TSPAN18: variants seen among roughly 807,000 people sequenced by gnomAD.
The protein encoded by TSPAN18 is tetraspanin-18.
TSPAN18 carries 14 observed loss-of-function variants against 27.3 expected under a neutral mutation model. That is an observed-to-expected ratio of 0.51 (90% CI 0.34 to 0.80). The LOEUF (loss-of-function observed/expected upper bound fraction) is 0.80. TSPAN18 is among the 30% of genes least tolerant of loss of function. TSPAN18 has a pLI of 0.01. For missense variants in TSPAN18, 268 were observed against 323.9 expected, an observed-to-expected ratio of 0.83 and a Z score of 1.32; for synonymous variants, 143 against 136.5, an observed-to-expected ratio of 1.05 and a Z score of -0.33.
intron 3 of TSPAN18, among the ~76,000 whole-genome samples, chr11:44,896,192 G>GGCAGGCTCGTACTTGGAGGGAT (rs1590647539): frequency 6.6e-6 from 1 of 152,122 alleles, no homozygotes; most frequent in Non-Finnish European, 1.5e-5. Flanking sequence ...ACTGACCCCA[G>GGCAGGCTCGTACTTGGAGGGAT]TGAACCTGTG....
intron 2 of TSPAN18, among the ~76,000 whole-genome samples, chr11:44,766,283 G>T (rs1173405729): frequency 6.6e-6 from 1 of 152,202 alleles, no homozygotes; most frequent in Non-Finnish European, 1.5e-5. Context: ...GACAGTGTGG[G>T]AGGAGAAGTG....
At chr11:44,824,643 G>C (rs545162223) in intron 2 of TSPAN18, among the ~76,000 whole-genome samples, 1 of 152,358 alleles carries the variant, frequency 6.6e-6, no homozygotes, top group Non-Finnish European at 1.5e-5. Context: ...AGGGGCCCAC[G>C]GGCCTGTGCC....
intron 3 of TSPAN18, among the ~76,000 whole-genome samples, chr11:44,861,422 T>C (rs1458737146): frequency 1.1e-5 from 1 of 90,604 alleles, no homozygotes; most frequent in Non-Finnish European, 2.2e-5. Context: ...CTGAGGGAGG[T>C]GGTCGGGGCT....
rs544728674 is a variant in TSPAN18 at position 44,835,071 on chromosome 11, G to A, written c.-152-25257G>A. Reference sequence around the variant, plus strand: ...GGGTGGGGGAGGGATGGAATCTTCCGGGCACCTCTGGCTGCCTGCACACGG... The same window carrying A: ...GGGTGGGGGAGGGATGGAATCTTCCAGGCACCTCTGGCTGCCTGCACACGG... On this transcript the variant is annotated intron_variant, in intron 2 of 9. Coordinates refer to ENST00000520358, the MANE Select transcript of TSPAN18 (RefSeq NM_130783.5). Among the ~76,000 whole-genome samples, 39 of 152,252 alleles carry A rather than the reference G, an allele frequency of 2.6e-4. No individual in the cohort carries two copies. In the South Asian group the frequency reaches 3.7e-3, roughly 15 times the overall value.
chr11:44,789,523 A>G (rs980964410), intron 2 of TSPAN18, among the ~76,000 whole-genome samples: 2 of 152,186 alleles, frequency 1.3e-5, no homozygotes, highest in Admixed American at 6.5e-5. Context: ...TAGAAATTTG[A>G]TGAGACAAAA....
intron 4 of TSPAN18, among the ~76,000 whole-genome samples, chr11:44,908,224 C>T (rs534205813): frequency 6.6e-6 from 1 of 152,120 alleles, no homozygotes; most frequent in African/African-American, 2.4e-5. Context: ...TTGCCCAAAG[C>T]CATCAGCTCT....
At chr11:44,776,690 G>A (rs1247751666) in intron 2 of TSPAN18, among the ~76,000 whole-genome samples, 4 of 152,136 alleles carry the variant, frequency 2.6e-5, no homozygotes, top group African/African-American at 9.7e-5. Context: ...CTCTCCGTGT[G>A]ACTACAGTCT....
At chr11:44,801,612 G>A (rs1339145509) in intron 2 of TSPAN18, among the ~76,000 whole-genome samples, 2 of 152,222 alleles carry the variant, frequency 1.3e-5, no homozygotes, top group African/African-American at 2.4e-5. Flanking sequence ...TCAGGGTGGT[G>A]GTTAAGAGCT....
intron 3 of TSPAN18, among the ~76,000 whole-genome samples, chr11:44,863,428 G>A (rs1484117901): frequency 1.3e-5 from 2 of 152,234 alleles, no homozygotes; most frequent in Non-Finnish European, 2.9e-5. Flanking sequence ...GAGTTTAGTA[G>A]CGCCTCCCTT....
chr11:44,820,904 T>G lies in TSPAN18; in HGVS notation c.-152-39424T>G, dbSNP rs182133492. Among the ~76,000 whole-genome samples, 50 of 152,334 alleles carry G rather than the reference T, an allele frequency of 3.3e-4. No individual in the cohort carries two copies. In the East Asian group the frequency reaches 9.2e-3, roughly 28 times the overall value. ...CCTGCTCCCCCTTCACCTTCTGCCA[T>G]GAGTAAAAGCTTCCTGGGGGTTCAC... On this transcript the variant is annotated intron_variant, in intron 2 of 9. Transcript: ENST00000520358.
At chr11:44,815,936 G>A (rs1014068873) in intron 2 of TSPAN18, among the ~76,000 whole-genome samples, 4 of 152,172 alleles carry the variant, frequency 2.6e-5, no homozygotes, top group African/African-American at 9.7e-5. Context: ...GGAGTCTCAC[G>A]GAGCCTTCTC....
intron 2 of TSPAN18, among the ~76,000 whole-genome samples, chr11:44,852,380 G>A (rs1330948250): frequency 6.6e-6 from 1 of 152,202 alleles, no homozygotes; most frequent in Admixed American, 6.5e-5. Context: ...GCCCAGAGAA[G>A]TTAAGGCATT....
chr11:44,775,256 G>C (rs1443838459), intron 2 of TSPAN18, among the ~76,000 whole-genome samples: 1 of 152,192 alleles, frequency 6.6e-6, no homozygotes, highest in African/African-American at 2.4e-5. Context: ...ATCACTGAAA[G>C]ATTATTTGTT....
intron 2 of TSPAN18, among the ~76,000 whole-genome samples, chr11:44,844,259 A>C (rs1457642657): frequency 1.3e-5 from 2 of 151,656 alleles, no homozygotes; most frequent in Non-Finnish European, 2.9e-5. Context: ...TTTTCTGTGG[A>C]TGGACATTGG....
chr11:44,774,402 T>G (rs561615882), intron 2 of TSPAN18, among the ~76,000 whole-genome samples: 16 of 152,288 alleles, frequency 1.1e-4, no homozygotes, highest in Admixed American at 7.2e-4. Flanking sequence ...GCAGAGGAAG[T>G]GATGGCAGGT....
In TSPAN18 at chr11:44,909,699, G is replaced by A. The variant is rs374448725; in HGVS notation, c.64-6G>A. ...CTCCTCCCAACTCCTCCACTGGCCC[G>A]AGCAGCTGGGCGGGGCCTGCCTGCT... On this transcript the variant is annotated splice_polypyrimidine_tract_variant and splice_region_variant and intron_variant, in intron 4 of 9. Transcript: ENST00000520358. 24 of 1,606,690 alleles carry A rather than the reference G, an allele frequency of 1.5e-5. No homozygotes were observed. The East Asian group carries it at 1.6e-4, about 10-fold the overall frequency.
chr11:44,913,092 G>A (rs983220717), intron 5 of TSPAN18, among the ~76,000 whole-genome samples: 2 of 152,214 alleles, frequency 1.3e-5, no homozygotes, highest in African/African-American at 4.8e-5. Context: ...AGGGCATGGA[G>A]CCTCACCCCT....
intron 5 of TSPAN18, among the ~76,000 whole-genome samples, chr11:44,911,677 G>A (rs1168365670): frequency 6.6e-6 from 1 of 151,936 alleles, no homozygotes; most frequent in Admixed American, 6.6e-5. Flanking sequence ...TAATGGGCTC[G>A]GCTCTGAAGC....
intron 3 of TSPAN18, among the ~76,000 whole-genome samples, chr11:44,864,252 A>C (rs1001363811): frequency 7.5e-6 from 1 of 133,226 alleles, no homozygotes. Context: ...GCACCACTGC[A>C]CTCCAGCCTG....
Sources: allele counts gnomAD v4.1 joint callset (sites outside exome capture counted in the v4.1 genomes callset), GRCh38; gene constraint gnomAD v4.1.1; transcripts MANE v1.5; gene names NCBI Gene and HGNC (gene_info 2026-07-23, HGNC 2026-07-21).